The following LCORL variants were observed in gnomAD, a reference collection of about 807,000 sequenced individuals.
LCORL encodes the protein ligand-dependent nuclear receptor corepressor-like protein.
In LCORL, 41 loss-of-function variants were observed where a neutral mutation model predicts 141.8. The observed-to-expected ratio is 0.29, with a 90% CI of 0.23 to 0.38. LCORL has a LOEUF of 0.38. LCORL is among the 10% of genes least tolerant of loss of function. The pLI is 1.00. For synonymous variants in LCORL, 618 were observed against 694.1 expected (o/e 0.89, Z 1.72); for missense variants, 1,759 against 2,035.0 (o/e 0.86, Z 2.61).
chr4:17,968,406 A>T (rs935088276), intron 2 of LCORL, among the ~76,000 whole-genome samples: 1 of 152,232 alleles, frequency 6.6e-6, no homozygotes, highest in Non-Finnish European at 1.5e-5. Context: ...CCTAATAAGA[A>T]GAGAACTTAC....
intron 1 of LCORL, among the ~76,000 whole-genome samples, chr4:17,991,158 C>T (rs1719949057): frequency 6.6e-6 from 1 of 152,018 alleles, no homozygotes. Context: ...TCCTAGTTTA[C>T]CTAGCATAAC....
exon 8 of LCORL, chr4:17,841,769 T>C (rs915910195): frequency 6.6e-6 from 1 of 152,246 alleles, no homozygotes; most frequent in Non-Finnish European, 1.5e-5. Flanking sequence ...ATCCCCAGTA[T>C]ATAAAGGTTC....
At chr4:17,931,274 A>AT (rs1043277070) in intron 4 of LCORL, among the ~76,000 whole-genome samples, 7 of 151,790 alleles carry the variant, frequency 4.6e-5, no homozygotes, top group African/African-American at 1.5e-4. Context: ...AAGAATCAGT[A>AT]TTTTTTTCTA....
chr4:17,913,778 A>T (rs1377667719), intron 4 of LCORL, among the ~76,000 whole-genome samples: 1 of 152,172 alleles, frequency 6.6e-6, no homozygotes, highest in African/African-American at 2.4e-5. Flanking sequence ...TCCTAATCTT[A>T]AAAAAACTTT....
intron 6 of LCORL, 126 bp from the exon 7 acceptor site, chr4:17,878,339 A>C: frequency 2.0e-6 from 1 of 499,386 alleles, no homozygotes; most frequent in Non-Finnish European, 3.1e-6. Context: ...AGAGAGCTGC[A>C]ATAATGGCAT....
intron 1 of LCORL, among the ~76,000 whole-genome samples, chr4:18,017,882 G>T (rs1188744879): frequency 6.6e-6 from 1 of 152,076 alleles, no homozygotes; most frequent in Non-Finnish European, 1.5e-5. Context: ...CAGTATCCTT[G>T]TTTTTTAAAA....
At chr4:17,914,887 T>A (rs1733145709) in intron 4 of LCORL, among the ~76,000 whole-genome samples, 1 of 152,192 alleles carries the variant, frequency 6.6e-6, no homozygotes, top group Admixed American at 6.5e-5. Context: ...TCCTGCCTCC[T>A]GATATAACAC....
chr4:18,021,143 G>C lies in LCORL; in HGVS notation c.154+455C>G, dbSNP rs1725492320. ...CACCCGGCCCCCGGCGGCGACAAGG[G>C]GGTGTGTGTGCGCTCGGCGGGGGCG... On this transcript the variant is annotated intron_variant, in intron 1 of 7. Coordinates refer to ENST00000635767, the Ensembl canonical transcript of LCORL. This position sits in a 1 kb window ranked among gnomAD's most constrained non-coding sequence, Gnocchi z 5.5. 6.6e-6 allele frequency among the ~76,000 whole-genome samples: 1 copy of C among 152,010 alleles called. No individual in the cohort carries two copies. Among genetic ancestry groups the C allele is most frequent in the Admixed American group, 6.6e-5 (1 of 15,264 alleles).
chr4:17,845,169 A>C (rs978449559), exon 8 of LCORL: 8 of 152,540 alleles, frequency 5.2e-5, no homozygotes, highest in African/African-American at 1.9e-4. Flanking sequence ...AATACAGAGA[A>C]AGAACTGATA....
At chr4:17,874,612 T>C in exon 7 of LCORL, 1 of 1,233,768 alleles carries the variant, frequency 8.1e-7, no homozygotes, top group Middle Eastern at 2.1e-4. Context: ...TGAATACAAT[T>C]TTCAGCTTCA....
intron 6 of LCORL, chr4:17,883,988 T>C: frequency 6.4e-7 from 1 of 1,550,908 alleles, no homozygotes; most frequent in South Asian, 1.2e-5. Context: ...TTTCCTGGGC[T>C]GCTTACTGTC....
Position 17,962,048 on chromosome 4 carries a change from A to C in LCORL, c.301-16T>G, listed in dbSNP as rs1365668045. 2.6e-6 allele frequency: 4 copies of C among 1,543,626 alleles called. No homozygotes were observed. In the South Asian group the frequency reaches 5.0e-5, roughly 19 times the overall value. The stretch of plus-strand genomic sequence containing the variant: ...GTATACAATCCTAAAAGTATAAGAA[A>C]ACAACAACATACAGAATTATTTTTT... On this transcript the variant is annotated splice_polypyrimidine_tract_variant and intron_variant, in intron 3 of 7. Transcript: ENST00000635767.
chr4:17,955,762 T>A (rs772535621), intron 4 of LCORL, among the ~76,000 whole-genome samples: 6 of 152,042 alleles, frequency 3.9e-5, no homozygotes, highest in Non-Finnish European at 5.9e-5. Context: ...AAAACACAGA[T>A]AAGATTCTGA....
At chr4:17,893,062 G>C (rs1298090392) in intron 5 of LCORL, among the ~76,000 whole-genome samples, 1 of 152,024 alleles carries the variant, frequency 6.6e-6, no homozygotes, top group Non-Finnish European at 1.5e-5. Context: ...TTACATAAAA[G>C]TACAATCTAA....
chr4:17,870,814 C>T (rs1400308657), intron 7 of LCORL, among the ~76,000 whole-genome samples: 2 of 152,148 alleles, frequency 1.3e-5, no homozygotes, highest in Non-Finnish European at 2.9e-5. Flanking sequence ...AATGGGATTG[C>T]ATTTTTCTGC....
chr4:17,994,886 G>A (rs949906547), intron 1 of LCORL, among the ~76,000 whole-genome samples: 1 of 152,156 alleles, frequency 6.6e-6, no homozygotes, highest in South Asian at 2.1e-4. Flanking sequence ...TGCTGGCTAT[G>A]CTAGCCCAAT....
intron 4 of LCORL, among the ~76,000 whole-genome samples, chr4:17,919,169 T>A (rs1253590543): frequency 2.0e-5 from 3 of 152,078 alleles, no homozygotes; most frequent in African/African-American, 7.2e-5. Flanking sequence ...GCCAAATTCC[T>A]AAGAGGACAC....
chr4:17,864,063 G>A (rs1725323258), intron 7 of LCORL, among the ~76,000 whole-genome samples: 1 of 151,936 alleles, frequency 6.6e-6, no homozygotes, highest in Non-Finnish European at 1.5e-5. Flanking sequence ...TTATTACCTG[G>A]GTGATGAAAT....
At chr4:17,983,330 C>T (rs978174175) in intron 1 of LCORL, among the ~76,000 whole-genome samples, 2 of 152,280 alleles carry the variant, frequency 1.3e-5, no homozygotes, top group Non-Finnish European at 2.9e-5. Flanking sequence ...ATAGAAATAG[C>T]AGTGAATCTA....
Sources: allele counts gnomAD v4.1 joint callset (sites outside exome capture counted in the v4.1 genomes callset), GRCh38; gene constraint gnomAD v4.1.1; non-coding constraint Gnocchi (gnomAD v3.1); transcripts MANE v1.5; gene names NCBI Gene and HGNC (gene_info 2026-07-23, HGNC 2026-07-21).